The following RSRC1 variants were observed in gnomAD, a reference collection of about 807,000 sequenced individuals.
RSRC1 encodes the protein serine/Arginine-related protein 53.
RSRC1 carries 39 observed loss-of-function variants against 49.1 expected under a neutral mutation model. That is an observed-to-expected ratio of 0.79 (90% CI 0.61 to 1.04). The LOEUF is 1.04. RSRC1 is among the 50% of genes least tolerant of loss of function. The pLI is 0.00. For synonymous variants in RSRC1, 143 were observed against 130.8 expected, an observed-to-expected ratio of 1.09 and a Z score of -0.63; for missense variants, 388 against 402.4, an observed-to-expected ratio of 0.96 and a Z score of 0.31.
intron 7 of RSRC1, among the ~76,000 whole-genome samples, chr3:158,480,653 T>A (rs775284525): frequency 2.0e-5 from 3 of 152,054 alleles, no homozygotes; most frequent in Non-Finnish European, 4.4e-5. Flanking sequence ...TGAACTTGTC[T>A]ATAATTTATT....
intron 7 of RSRC1, among the ~76,000 whole-genome samples, chr3:158,532,353 G>T (rs1712449184): frequency 6.6e-6 from 1 of 151,804 alleles, no homozygotes. Context: ...ATTGGTTTAT[G>T]TTTGTAATCT....
intron 5 of RSRC1, among the ~76,000 whole-genome samples, chr3:158,337,952 C>T (rs902354591): frequency 3.9e-5 from 6 of 152,162 alleles, no homozygotes; most frequent in African/African-American, 1.4e-4. Flanking sequence ...AATTATTATT[C>T]TACATTTTTA....
intron 4 of RSRC1, among the ~76,000 whole-genome samples, chr3:158,279,741 G>A (rs1463247141): frequency 1.3e-5 from 2 of 152,170 alleles, no homozygotes; most frequent in Non-Finnish European, 2.9e-5. Flanking sequence ...TTTCTTATAT[G>A]CAGTGGTATT....
At chr3:158,197,747 G>A (rs1432894969) in intron 3 of RSRC1, among the ~76,000 whole-genome samples, 1 of 152,082 alleles carries the variant, frequency 6.6e-6, no homozygotes, top group African/African-American at 2.4e-5. Flanking sequence ...ATTTCGTTAT[G>A]TACCCAGTAG....
At chr3:158,417,769 A>G (rs1014619358) in intron 6 of RSRC1, among the ~76,000 whole-genome samples, 41 of 150,800 alleles carry the variant, frequency 2.7e-4, no homozygotes, top group African/African-American at 9.7e-4. Context: ...TATATATCCT[A>G]TATATTATTT....
At chr3:158,538,356 GCCA>G (rs781479953) in intron 8 of RSRC1, among the ~76,000 whole-genome samples, 1 of 151,744 alleles carries the variant, frequency 6.6e-6, no homozygotes, top group Non-Finnish European at 1.5e-5. Flanking sequence ...TTGATAGTTT[GCCA>G]CCACAACTCC....
intron 5 of RSRC1, among the ~76,000 whole-genome samples, chr3:158,322,714 C>T (rs553649130): frequency 6.6e-6 from 1 of 152,300 alleles, no homozygotes; most frequent in South Asian, 2.1e-4. Context: ...TCTCTCTTTT[C>T]TCCTTCTAGG....
chr3:158,502,443 T>C (rs1324136825), intron 7 of RSRC1, among the ~76,000 whole-genome samples: 2 of 152,220 alleles, frequency 1.3e-5, no homozygotes, highest in Non-Finnish European at 2.9e-5. Context: ...TCCTCAATTA[T>C]TCCCCCAAAT....
intron 3 of RSRC1, among the ~76,000 whole-genome samples, chr3:158,124,370 T>G (rs541578019): frequency 6.6e-6 from 1 of 152,372 alleles, no homozygotes; most frequent in Admixed American, 6.5e-5. Context: ...CAGGGACTTA[T>G]GGCTTGCAGT....
At chr3:158,110,897 C>T (rs577898648) in intron 1 of RSRC1, among the ~76,000 whole-genome samples, 23 of 152,186 alleles carry the variant, frequency 1.5e-4, no homozygotes, top group Non-Finnish European at 3.2e-4. Context: ...AGGCATGTTG[C>T]CTGCTCTTGA....
chr3:158,444,577 C>A (rs1736580124), intron 6 of RSRC1, among the ~76,000 whole-genome samples: 1 of 152,098 alleles, frequency 6.6e-6, no homozygotes, highest in Non-Finnish European at 1.5e-5. Flanking sequence ...CTAGGCAATA[C>A]CATTCAGGAC....
At position 158,123,967 on chromosome 3, in the gene RSRC1, C is replaced by A; in HGVS notation, c.296C>A (p.Ser99Tyr). ...GRGKSYRVQRSRSKSRTRRSR... is the reference protein window; with the variant it reads ...GRGKSYRVQRYRSKSRTRRSR... ...GGGAAATCCTATAGAGTTCAGAGGT[C>A]TAGGTCAAAAAGCAGAACAAGAAGG... The change falls in exon 3 of 10, where the codon TCT becomes TAT. Residue 99 changes from serine to tyrosine, a missense_variant. Ser to Tyr is a moderately radical substitution (Grantham distance 144). Coordinates refer to ENST00000611884, the MANE Select transcript of RSRC1 (RefSeq NM_001271838.2). 1 of 1,602,344 alleles carries A rather than the reference C, an allele frequency of 6.2e-7. No individual in the cohort carries two copies. The highest frequency in any genetic ancestry group is 1.1e-5 in the South Asian group (1 of 88,488).
intron 6 of RSRC1, among the ~76,000 whole-genome samples, chr3:158,375,667 A>G (rs1013874862): frequency 1.3e-5 from 2 of 152,184 alleles, no homozygotes; most frequent in Non-Finnish European, 2.9e-5. Flanking sequence ...TTAGGAAGAT[A>G]TCTAGAAACA....
chr3:158,194,788 T>G (rs1425115175), intron 3 of RSRC1, among the ~76,000 whole-genome samples: 1 of 151,960 alleles, frequency 6.6e-6, no homozygotes, highest in Non-Finnish European at 1.5e-5. Context: ...AGAATGATGG[T>G]TTCCAGCTTC....
At chr3:158,403,264 G>T (rs535294176) in intron 6 of RSRC1, among the ~76,000 whole-genome samples, 1 of 151,908 alleles carries the variant, frequency 6.6e-6, no homozygotes, top group Admixed American at 6.6e-5. Context: ...ATTTTCCTGA[G>T]AAACTATAAA....
At chr3:158,181,950 C>T (rs1241389129) in intron 3 of RSRC1, among the ~76,000 whole-genome samples, 1 of 152,008 alleles carries the variant, frequency 6.6e-6, no homozygotes, top group African/African-American at 2.4e-5. Flanking sequence ...CCTTGCAGAG[C>T]TTACATTCTA....
chr3:158,168,142 G>A (rs1653482967), intron 3 of RSRC1, among the ~76,000 whole-genome samples: 1 of 152,146 alleles, frequency 6.6e-6, no homozygotes, highest in South Asian at 2.1e-4. Context: ...TACAATAGCA[G>A]CGTTGGATAG....
At chr3:158,381,581 A>G (rs1346011943) in intron 6 of RSRC1, among the ~76,000 whole-genome samples, 1 of 152,220 alleles carries the variant, frequency 6.6e-6, no homozygotes, top group Non-Finnish European at 1.5e-5. Context: ...TGCAAACATC[A>G]TAGAGTGTAG....
intron 3 of RSRC1, among the ~76,000 whole-genome samples, chr3:158,200,935 ACTTT>A (rs948800891): frequency 2.0e-4 from 30 of 152,250 alleles, no homozygotes; most frequent in African/African-American, 6.3e-4. Context: ...CCATTTATTT[ACTTT>A]CTATTAGTCT....
Sources: allele counts gnomAD v4.1 joint callset (sites outside exome capture counted in the v4.1 genomes callset), GRCh38; gene constraint gnomAD v4.1.1; transcripts MANE v1.5; gene names NCBI Gene and HGNC (gene_info 2026-07-23, HGNC 2026-07-21).